The following PCDHGA7 variants were observed in gnomAD, a reference collection of about 807,000 sequenced individuals.
PCDHGA7 encodes the protein protocadherin gamma-A7.
Under a neutral mutation model 58.3 loss-of-function variants are expected in PCDHGA7, and 44 were observed. The observed-to-expected ratio is 0.75, with a 90% CI of 0.59 to 0.97. The LOEUF (loss-of-function observed/expected upper bound fraction) is 0.97. Ranked by LOEUF, PCDHGA7 falls within the 50% of genes least tolerant of loss-of-function variation. PCDHGA7 has a pLI of 0.00. For missense variants in PCDHGA7, 1,266 were observed against 1,188.7 expected (o/e 1.06, Z -0.96); for synonymous variants, 516 against 504.2 (o/e 1.02, Z -0.31).
rs758216080 is a variant in PCDHGA7, at chr5:141,398,809, C to A, written c.2424+13486C>A. 1.3e-5 allele frequency: 21 copies of A among 1,613,854 alleles called. No individual in the cohort carries two copies. In the South Asian group the frequency reaches 2.1e-4, roughly 16 times the overall value. On this transcript the variant is annotated intron_variant, in intron 1 of 3. Coordinates refer to ENST00000518325, the MANE Select transcript of PCDHGA7 (RefSeq NM_018920.4). ...TCCACCCCTAAGCGGCACCACTGAG[C>A]TCCGGATCCAGGTAACCGACGCCAA...
In PCDHGA7 at chr5:141,487,934, C is replaced by T; in HGVS notation, c.2425-6873C>T. 4.9e-6 allele frequency: 3 copies of T among 607,674 alleles called. No homozygotes were observed. The highest frequency in any genetic ancestry group is 2.1e-5 in the South Asian group (1 of 48,014). 37.6% of individuals were successfully genotyped at this position (607,674 alleles called of 1,614,324 possible). Reference sequence around the variant, plus strand: ...ACAGGAGGCTACAGTGCACAGGGTACAGTGCACCAGGCAGTCACTTGGACA... The same window carrying T: ...ACAGGAGGCTACAGTGCACAGGGTATAGTGCACCAGGCAGTCACTTGGACA... On this transcript the variant is annotated intron_variant, in intron 1 of 3. Transcript: ENST00000518325. This position sits in a 1 kb window ranked among gnomAD's most constrained non-coding sequence, Gnocchi z 5.0.
Position 141,486,427 on chromosome 5 carries a change from A to G in PCDHGA7, c.2425-8380A>G. On this transcript the variant is annotated intron_variant, in intron 1 of 3. Transcript: ENST00000518325. This position sits in a 1 kb window ranked among gnomAD's most constrained non-coding sequence, Gnocchi z 5.0. ...CTGGACCCTTGGATCGAGAGGCCAA[A>G]TCTAGCTATGACATCATGGTCACTG... The G allele has an allele frequency of 6.2e-7, 1 of 1,614,160 alleles. No homozygotes were observed. Among genetic ancestry groups the G allele is most frequent in the Non-Finnish European group, 8.5e-7 (1 of 1,180,016 alleles).
At chr5:141,423,745 C>A (rs561499055) in intron 1 of PCDHGA7, 2 of 605,688 alleles carry the variant, frequency 3.3e-6, no homozygotes, top group Non-Finnish European at 4.0e-6. Context: ...GTTATGAAAA[C>A]TGTTTGGGGG....
At chr5:141,433,854 A>T (rs2097660850) in intron 1 of PCDHGA7, among the ~76,000 whole-genome samples, 1 of 151,852 alleles carries the variant, frequency 6.6e-6, no homozygotes, top group African/African-American at 2.4e-5. Context: ...AAAAAAAAAA[A>T]ACTTTATCCT....
chr5:141,439,186 C>T (rs2098094521), intron 1 of PCDHGA7, among the ~76,000 whole-genome samples: 1 of 141,808 alleles, frequency 7.1e-6, no homozygotes, highest in Admixed American at 7.0e-5. Flanking sequence ...TAGTGAGACT[C>T]TGACAAAAAA....
Position 141,486,676 on chromosome 5 carries a change from T to A in PCDHGA7, c.2425-8131T>A, listed in dbSNP as rs375080564. On this transcript the variant is annotated intron_variant, in intron 1 of 3. Coordinates refer to ENST00000518325, the MANE Select transcript of PCDHGA7 (RefSeq NM_018920.4). This position sits in a 1 kb window ranked among gnomAD's most constrained non-coding sequence, Gnocchi z 5.0. ...CACTCCTGGAGCCCAGGAATCGAGA[T>A]GTATCAGCTTCCTCTTTCATCTCTC... 3 of 1,614,002 alleles carry A rather than the reference T, an allele frequency of 1.9e-6. No homozygotes were observed. The highest frequency in any genetic ancestry group is 2.5e-6 in the Non-Finnish European group (3 of 1,180,036).
intron 1 of PCDHGA7, among the ~76,000 whole-genome samples, chr5:141,438,598 AT>A (rs1433028092): frequency 6.7e-5 from 2 of 29,776 alleles, no homozygotes; most frequent in Non-Finnish European, 1.4e-4. Context: ...ATACATATAT[AT>A]ATATATATAT....
chr5:141,415,147 C>A lies in PCDHGA7; in HGVS notation c.2424+29824C>A, dbSNP rs779194230. The A allele has an allele frequency of 9.9e-6, 16 of 1,613,668 alleles. No individual in the cohort carries two copies. Among genetic ancestry groups the A allele is most frequent in the African/African-American group, 1.3e-5 (1 of 74,952 alleles). On this transcript the variant is annotated intron_variant, in intron 1 of 3. Transcript: ENST00000518325. ...CGTCCAGGACCACGGCCAGCCCCCT[C>A]TCTCCGCCACTGTCACGCTCACCGT... is the stretch of plus-strand genomic sequence containing the variant.
intron 1 of PCDHGA7, among the ~76,000 whole-genome samples, chr5:141,401,078 T>A (rs2094109579): frequency 6.6e-6 from 1 of 152,226 alleles, no homozygotes; most frequent in South Asian, 2.1e-4. Flanking sequence ...GTGCAGTGGC[T>A]CATGCCTGTA....
chr5:141,414,556 T>G, intron 1 of PCDHGA7: 2 of 1,613,990 alleles, frequency 1.2e-6, no homozygotes, highest in Non-Finnish European at 1.7e-6. Flanking sequence ...TCAAGTCTCC[T>G]ACTTTACCTA....
At chr5:141,394,660 T>G in intron 1 of PCDHGA7, 1 of 1,613,264 alleles carries the variant, frequency 6.2e-7, no homozygotes, top group East Asian at 2.2e-5. Context: ...GAGCCGGGAC[T>G]CTTCTCGGTG....
At position 141,471,885 on chromosome 5, in the gene PCDHGA7, A is replaced by G. The variant is rs180968509; in HGVS notation, c.2425-22922A>G. ...ACTGTGGTTGCCTGAGGCTGAAGCT[A>G]GGAAGATTGACTACAGACAAGCATG... On this transcript the variant is annotated intron_variant, in intron 1 of 3. Transcript: ENST00000518325. Among the ~76,000 whole-genome samples the G allele has an allele frequency of 1.9e-3, 294 of 152,338 alleles. 1 individual carries two copies. Among genetic ancestry groups the G allele is most frequent in the Middle Eastern group, 0.017 (5 of 294 alleles).
chr5:141,398,803 A>C (rs551301850), intron 1 of PCDHGA7: 2 of 1,613,960 alleles, frequency 1.2e-6, no homozygotes, highest in African/African-American at 2.7e-5. Context: ...AAGCGGCACC[A>C]CTGAGCTCCG....
chr5:141,395,248 T>G lies in PCDHGA7; in HGVS notation c.2424+9925T>G, dbSNP rs1300416039. The G allele has an allele frequency of 4.5e-6, 7 of 1,561,360 alleles. No individual in the cohort carries two copies. In the Admixed American group the frequency reaches 1.4e-4, roughly 31 times the overall value. On this transcript the variant is annotated intron_variant, in intron 1 of 3. Transcript: ENST00000518325. ...GCTGATCATGGTCAGGTGAGTTTAG[T>G]TCTTTGCTTGCTTTTAATTTCCAGA...
rs2097400915 is a variant in PCDHGA7, at chr5:141,431,619, A to G, written c.2424+46296A>G. The stretch of plus-strand genomic sequence containing the variant: ...TATTCCTTCCGGTATGTGGACGACA[A>G]GGCGGCCCAAGTTTTCAAACTAGAT... On this transcript the variant is annotated intron_variant, in intron 1 of 3. Coordinates refer to ENST00000518325, the MANE Select transcript of PCDHGA7 (RefSeq NM_018920.4). The surrounding 1 kb of genome is among the most constrained non-coding windows in gnomAD (Gnocchi z 4.8). 3.1e-6 allele frequency: 5 copies of G among 1,614,230 alleles called. No homozygotes were observed. The highest frequency in any genetic ancestry group is 4.5e-5 in the East Asian group (2 of 44,880).
intron 1 of PCDHGA7, chr5:141,478,533 C>G: frequency 6.2e-7 from 1 of 1,608,070 alleles, no homozygotes; most frequent in African/African-American, 1.3e-5. Context: ...GCAGAGAGCG[C>G]CCCTCCCGGA....
intron 1 of PCDHGA7, chr5:141,390,069 C>A: frequency 6.2e-7 from 1 of 1,614,076 alleles, no homozygotes; most frequent in Non-Finnish European, 8.5e-7. Context: ...CCAGCCTGGT[C>A]TCTGTGTTAA....
chr5:141,480,225 G>A (rs1217912404), intron 1 of PCDHGA7, among the ~76,000 whole-genome samples: 1 of 147,152 alleles, frequency 6.8e-6, no homozygotes, highest in East Asian at 2.0e-4. Flanking sequence ...GCGACATAGT[G>A]AGATCCTGTC....
chr5:141,487,435 A>G lies in PCDHGA7; in HGVS notation c.2425-7372A>G, dbSNP rs776328527. On this transcript the variant is annotated intron_variant, in intron 1 of 3. Transcript: ENST00000518325. The surrounding 1 kb of genome is among the most constrained non-coding windows in gnomAD (Gnocchi z 5.0). ...CCAATGGGATCCTCCGAATCCAGCT[A>G]GGGTCAGATGACCCTATCAAGTTTG... 3.7e-6 allele frequency: 6 copies of G among 1,614,164 alleles called. No individual in the cohort carries two copies. In the South Asian group the frequency reaches 6.6e-5, roughly 18 times the overall value.
Sources: allele counts gnomAD v4.1 joint callset (sites outside exome capture counted in the v4.1 genomes callset), GRCh38; gene constraint gnomAD v4.1.1; non-coding constraint Gnocchi (gnomAD v3.1); transcripts MANE v1.5; gene names NCBI Gene and HGNC (gene_info 2026-07-23, HGNC 2026-07-21).